IHO1: variants seen among roughly 807,000 people sequenced by gnomAD.
IHO1 encodes interactor of HORMAD1 protein 1.
In IHO1, 13 loss-of-function variants were observed where a neutral mutation model predicts 31.0. The ratio of observed to expected loss-of-function variants is 0.42; its 90% CI spans 0.27 to 0.67. The LOEUF (loss-of-function observed/expected upper bound fraction) is 0.67. Among genes scored for constraint, IHO1 ranks in the 30% least tolerant of loss-of-function variants. The pLI is 0.24. For synonymous variants in IHO1, 221 were observed against 248.4 expected, an observed-to-expected ratio of 0.89 and a Z score of 1.04; for missense variants, 599 against 687.5, an observed-to-expected ratio of 0.87 and a Z score of 1.44.
chr3:49,205,277 C>T (rs1342581701), intron 1 of IHO1, among the ~76,000 whole-genome samples: 2 of 151,756 alleles, frequency 1.3e-5, no homozygotes, highest in Admixed American at 6.6e-5. Flanking sequence ...GTCTTTTTAG[C>T]ATGCTAATGC....
At chr3:49,203,450 G>A (rs2046096721) in intron 1 of IHO1, among the ~76,000 whole-genome samples, 1 of 152,114 alleles carries the variant, frequency 6.6e-6, no homozygotes, top group African/African-American at 2.4e-5. Context: ...TGGAGGATTT[G>A]AGCAGAAGGA....
intron 2 of IHO1, among the ~76,000 whole-genome samples, chr3:49,222,402 G>A (rs938685684): frequency 6.6e-6 from 1 of 152,164 alleles, no homozygotes; most frequent in South Asian, 2.1e-4. Flanking sequence ...GGGATAGATA[G>A]GCAAAGAGTA....
chr3:49,233,260 C>G (rs1237097802), intron 2 of IHO1, among the ~76,000 whole-genome samples: 1 of 152,156 alleles, frequency 6.6e-6, no homozygotes, highest in Admixed American at 6.5e-5. Flanking sequence ...AGTATAGTGG[C>G]ACTTCACCCT....
intron 2 of IHO1, among the ~76,000 whole-genome samples, chr3:49,234,940 G>C (rs1031935367): frequency 6.6e-6 from 1 of 151,236 alleles, no homozygotes; most frequent in South Asian, 2.1e-4. Flanking sequence ...TCTGCCTCCC[G>C]GGTTCCAGTG....
At chr3:49,201,909 C>T in intron 1 of IHO1, among the ~76,000 whole-genome samples, 1 of 152,092 alleles carries the variant, frequency 6.6e-6, no homozygotes. Flanking sequence ...TAGAGTGAAG[C>T]CCCAGCTCAA....
chr3:49,192,638 T>C, the IHO1 span, among the ~76,000 whole-genome samples: 1 of 152,296 alleles, frequency 6.6e-6, no homozygotes, highest in South Asian at 2.1e-4. Context: ...GGTTCACAAC[T>C]GTAATCCTAG....
At chr3:49,205,178 G>C (rs2046118924) in intron 1 of IHO1, among the ~76,000 whole-genome samples, 1 of 152,192 alleles carries the variant, frequency 6.6e-6, no homozygotes, top group African/African-American at 2.4e-5. Flanking sequence ...AGATTTCCAA[G>C]AACAGGTTTC....
At chr3:49,211,415 G>T (rs755247231) in intron 1 of IHO1, among the ~76,000 whole-genome samples, 27 of 151,954 alleles carry the variant, frequency 1.8e-4, no homozygotes, top group Non-Finnish European at 3.1e-4. Flanking sequence ...TTTTTTGGGG[G>T]TGCAAATATA....
chr3:49,255,293 G>A lies in IHO1; in HGVS notation c.533-97G>A, dbSNP rs1181459435. ...GAGGAACCACTCCGGTCTGCATCCA[G>A]CTCCTCCCTTTTCACTGCTGTGGTT... On this transcript the variant is annotated intron_variant, in intron 6 of 7. Transcript: ENST00000452691. 3 of 803,590 alleles carry A rather than the reference G, an allele frequency of 3.7e-6. No individual in the cohort carries two copies. In the Admixed American group the frequency reaches 8.6e-5, roughly 23 times the overall value. The allele number at this position is 803,590 out of a possible 1,614,324, so 49.8% of individuals were successfully genotyped here.
intron 6 of IHO1, 148 bp downstream of exon 6, chr3:49,244,881 G>A (rs773132229): frequency 6.7e-6 from 5 of 741,462 alleles, no homozygotes; most frequent in South Asian, 1.4e-5. Context: ...CTGAAGAGAT[G>A]TGGAGCACAC....
chr3:49,208,759 C>A (rs2046172916), intron 1 of IHO1, among the ~76,000 whole-genome samples: 1 of 152,178 alleles, frequency 6.6e-6, no homozygotes, highest in African/African-American at 2.4e-5. Flanking sequence ...GTTTTCCCCA[C>A]TTATGCTGTC....
At chr3:49,241,196 G>T (rs775697507) in intron 3 of IHO1, 30 bp from the exon 4 acceptor site, 131 of 1,548,286 alleles carry the variant, frequency 8.5e-5, no homozygotes, top group Non-Finnish European at 1.1e-4. Context: ...TTTTATGTGT[G>T]AAATGCTATA....
At chr3:49,198,043 T>C (rs1180149671), upstream of IHO1, among the ~76,000 whole-genome samples, 1 of 152,248 alleles carries the variant, frequency 6.6e-6, no homozygotes, top group South Asian at 2.1e-4. Context: ...GAATTTTATA[T>C]AAATGGGATC....
chr3:49,230,987 A>G (rs544271240), intron 2 of IHO1, among the ~76,000 whole-genome samples: 1 of 152,262 alleles, frequency 6.6e-6, no homozygotes, highest in Non-Finnish European at 1.5e-5. Flanking sequence ...GGCTCAAATA[A>G]ATAGAATAGA....
chr3:49,222,165 T>A (rs562848333), intron 2 of IHO1, among the ~76,000 whole-genome samples: 49 of 152,330 alleles, frequency 3.2e-4, no homozygotes, highest in African/African-American at 1.2e-3. Flanking sequence ...GTAGATAAAC[T>A]GGCTATTCTG....
At chr3:49,222,675 A>C (rs970284632) in intron 2 of IHO1, among the ~76,000 whole-genome samples, 4 of 152,226 alleles carry the variant, frequency 2.6e-5, no homozygotes, top group Non-Finnish European at 5.9e-5. Context: ...GTTTTCACTT[A>C]TCTTTTTTAA....
chr3:49,228,714 T>C (rs985613158), intron 2 of IHO1, among the ~76,000 whole-genome samples: 1 of 152,216 alleles, frequency 6.6e-6, no homozygotes, highest in Non-Finnish European at 1.5e-5. Context: ...GTGGTCTTGC[T>C]GACTTCAGGA....
intron 1 of IHO1, among the ~76,000 whole-genome samples, chr3:49,204,173 C>T (rs188847173): frequency 1.3e-5 from 2 of 152,226 alleles, no homozygotes; most frequent in Non-Finnish European, 2.9e-5. Flanking sequence ...GGCTGGAGTC[C>T]TCATGGCCTA....
chr3:49,211,084 T>C (rs1261213111), intron 1 of IHO1, among the ~76,000 whole-genome samples: 1 of 148,256 alleles, frequency 6.7e-6, no homozygotes, highest in Non-Finnish European at 1.5e-5. Flanking sequence ...CTCGGCTCAC[T>C]GCAAGCTCCA....
Sources: gnomAD v4.1 joint callset for allele counts (sites outside exome capture counted in the v4.1 genomes callset) on GRCh38, gnomAD v4.1.1 for gene constraint, MANE v1.5 for transcripts, NCBI Gene and HGNC (gene_info 2026-07-23, HGNC 2026-07-21) for gene names.